Variants in OSBPL8 observed in about 807,000 individuals in gnomAD.
The protein encoded by OSBPL8 is oxysterol-binding protein-related protein 8.
OSBPL8 carries 59 observed loss-of-function variants against 125.5 expected under a neutral mutation model. The ratio of observed to expected loss-of-function variants is 0.47; its 90% CI spans 0.38 to 0.58. The LOEUF (loss-of-function observed/expected upper bound fraction) is 0.58, where lower values mean the gene tolerates loss of function less well. OSBPL8 is among the 20% of genes least tolerant of loss of function. The pLI is 0.00. For missense variants in OSBPL8, 758 were observed against 1,047.8 expected, an observed-to-expected ratio of 0.72 and a Z score of 3.82; for synonymous variants, 330 against 338.9, an observed-to-expected ratio of 0.97 and a Z score of 0.29.
intron 6 of OSBPL8, 29 bp downstream of exon 6, chr12:76,402,660 T>C: frequency 6.7e-7 from 1 of 1,502,280 alleles, no homozygotes; most frequent in Non-Finnish European, 9.3e-7. Flanking sequence ...ACAATGTAAA[T>C]TACCTTTCAG....
chr12:76,511,750 T>C (rs1413165040), intron 1 of OSBPL8, among the ~76,000 whole-genome samples: 1 of 152,252 alleles, frequency 6.6e-6, no homozygotes, highest in African/African-American at 2.4e-5. Context: ...TTGTCAATTT[T>C]TGCTTTTGCT....
At chr12:76,454,084 G>GTTAA (rs1873732006) in intron 3 of OSBPL8, among the ~76,000 whole-genome samples, 1 of 152,152 alleles carries the variant, frequency 6.6e-6, no homozygotes, top group Non-Finnish European at 1.5e-5. Context: ...CTTAAGCACT[G>GTTAA]TTAATGGAGT....
intron 1 of OSBPL8, among the ~76,000 whole-genome samples, chr12:76,545,967 T>C (rs1950771482): frequency 6.6e-6 from 1 of 152,152 alleles, no homozygotes; most frequent in South Asian, 2.1e-4. Context: ...ACTGCATGGG[T>C]CCACTTATAC....
chr12:76,467,074 C>A (rs1275678792), intron 2 of OSBPL8, among the ~76,000 whole-genome samples: 3 of 152,026 alleles, frequency 2.0e-5, no homozygotes, highest in Admixed American at 2.0e-4. Context: ...CACTTTATAT[C>A]CTTCCTTTAT....
intron 5 of OSBPL8, among the ~76,000 whole-genome samples, chr12:76,403,672 G>A (rs12828012): frequency 0.21 from 31,378 of 151,922 alleles, 3,441 homozygotes; most frequent in Non-Finnish European, 0.27. Flanking sequence ...CATAAGAAAA[G>A]GCACTAAAGT....
chr12:76,506,842 T>C (rs538159934), intron 1 of OSBPL8, among the ~76,000 whole-genome samples: 1 of 152,266 alleles, frequency 6.6e-6, no homozygotes, highest in Non-Finnish European at 1.5e-5. Flanking sequence ...ATAATAAATC[T>C]GAGAATAGGG....
intron 5 of OSBPL8, among the ~76,000 whole-genome samples, chr12:76,402,975 C>T (rs1295382824): frequency 1.3e-5 from 2 of 152,148 alleles, no homozygotes; most frequent in African/African-American, 2.4e-5. Context: ...AATCAGTATA[C>T]AAACCTACAA....
chr12:76,375,864 G>A (rs1952800945), intron 16 of OSBPL8, among the ~76,000 whole-genome samples: 1 of 152,088 alleles, frequency 6.6e-6, no homozygotes, highest in South Asian at 2.1e-4. Flanking sequence ...GTGCTGTCTA[G>A]TGTTCCTAAG....
chr12:76,380,572 T>C (rs1330114060), intron 15 of OSBPL8, among the ~76,000 whole-genome samples: 1 of 150,518 alleles, frequency 6.6e-6, no homozygotes, highest in Non-Finnish European at 1.5e-5. Context: ...TCATTTCTAG[T>C]ATATAGAAAT....
At position 76,378,561 on chromosome 12, in the gene OSBPL8, A is replaced by ATGT; in HGVS notation, c.1631-14_1631-12dup. 1.9e-6 allele frequency: 3 copies of ATGT among 1,546,602 alleles called. No individual in the cohort carries two copies. The highest frequency in any genetic ancestry group is 2.6e-6 in the Non-Finnish European group (3 of 1,132,390). ...CAGATAATGAGTTTCCTGAAATAAA[A>ATGT]TGTTGTTTATTAAATTTCACAAAAC... On this transcript the variant is annotated splice_polypyrimidine_tract_variant and intron_variant, in intron 15 of 23. Coordinates refer to ENST00000261183, the MANE Select transcript of OSBPL8 (RefSeq NM_020841.5).
intron 1 of OSBPL8, among the ~76,000 whole-genome samples, chr12:76,535,689 G>C (rs547553103): frequency 5.3e-5 from 8 of 152,076 alleles, no homozygotes; most frequent in Non-Finnish European, 1.2e-4. Context: ...TTACAATACT[G>C]TAATAGTATT....
At chr12:76,438,367 A>G (rs1389916008) in intron 4 of OSBPL8, among the ~76,000 whole-genome samples, 1 of 150,278 alleles carries the variant, frequency 6.7e-6, no homozygotes, top group Non-Finnish European at 1.5e-5. Context: ...CAGTGGTGCG[A>G]TTACGGCTCA....
At chr12:76,382,208 T>C (rs1436589487) in intron 15 of OSBPL8, among the ~76,000 whole-genome samples, 1 of 152,206 alleles carries the variant, frequency 6.6e-6, no homozygotes, top group Non-Finnish European at 1.5e-5. Flanking sequence ...GTTTTCTATC[T>C]GTCCCCTCTG....
chr12:76,507,382 ACATT>A (rs1164078311), intron 1 of OSBPL8, among the ~76,000 whole-genome samples: 1 of 151,830 alleles, frequency 6.6e-6, no homozygotes, highest in Non-Finnish European at 1.5e-5. Flanking sequence ...TGAATATTGA[ACATT>A]CAATTATTCA....
intron 1 of OSBPL8, among the ~76,000 whole-genome samples, chr12:76,489,103 G>T (rs921351899): frequency 3.3e-5 from 5 of 152,186 alleles, no homozygotes; most frequent in Non-Finnish European, 7.3e-5. Context: ...TTCTATACAG[G>T]CTGAGAGAGG....
chr12:76,371,539 C>G lies in OSBPL8; in HGVS notation c.1963G>C (p.Val655Leu). 1 of 1,610,526 alleles carries G rather than the reference C, an allele frequency of 6.2e-7. No homozygotes were observed. Among genetic ancestry groups the G allele is most frequent in the South Asian group, 1.1e-5 (1 of 90,512 alleles). ...ATGTCAGGTGTTGGATTCCAGAAAACCTCTGAATTATCAGTCTTTTTATCA... is the reference window on the plus strand; with the variant it reads ...ATGTCAGGTGTTGGATTCCAGAAAAGCTCTGAATTATCAGTCTTTTTATCA... ...ITDKKTDNSE[V>L]FWNPTPDIKQ... is the part of the protein sequence containing the mutation. Residue 655 changes from valine (V) to leucine (L), a missense_variant, in exon 19 of 24, where the codon GTT becomes CTT. This residue lies in a region of OSBPL8 where 572 missense variants were observed against 762.0 expected (regional missense o/e 0.75). Transcript: ENST00000261183.
intron 1 of OSBPL8, among the ~76,000 whole-genome samples, chr12:76,529,990 G>C (rs994858423): frequency 6.6e-6 from 1 of 152,048 alleles, no homozygotes; most frequent in Non-Finnish European, 1.5e-5. Context: ...TGCTCATTCT[G>C]CACCATCCAC....
intron 4 of OSBPL8, among the ~76,000 whole-genome samples, chr12:76,446,497 C>T (rs1424788010): frequency 6.6e-6 from 1 of 152,042 alleles, no homozygotes; most frequent in East Asian, 1.9e-4. Flanking sequence ...TACCTAGGAA[C>T]ATTTAAGTGC....
intron 21 of OSBPL8, among the ~76,000 whole-genome samples, chr12:76,360,630 G>A (rs918115926): frequency 3.9e-5 from 6 of 152,226 alleles, no homozygotes; most frequent in African/African-American, 1.4e-4. Flanking sequence ...CTTCATGAGG[G>A]CCGTGCCCCT....
Sources: gnomAD v4.1 joint callset for allele counts (sites outside exome capture counted in the v4.1 genomes callset) on GRCh38, gnomAD v4.1.1 for gene constraint, gnomAD v4.1.1 regional missense constraint, MANE v1.5 for transcripts, NCBI Gene and HGNC (gene_info 2026-07-23, HGNC 2026-07-21) for gene names.